Variants in FAM135A observed in about 807,000 individuals in gnomAD.
The protein encoded by FAM135A is family with sequence similarity 135 member A.
In FAM135A, 79 loss-of-function variants were observed where a neutral mutation model predicts 146.8. The ratio of observed to expected loss-of-function variants is 0.54; its 90% CI spans 0.45 to 0.65. The LOEUF (loss-of-function observed/expected upper bound fraction) is 0.65. Among genes scored for constraint, FAM135A ranks in the 30% least tolerant of loss-of-function variants. The pLI, the probability that FAM135A is intolerant of heterozygous loss-of-function variation, is 0.00. For missense variants in FAM135A, 1,623 were observed against 1,758.2 expected (o/e 0.92, Z 1.38); for synonymous variants, 562 against 603.6 (o/e 0.93, Z 1.01).
At chr6:70,427,301 G>GT (rs1378621265) in intron 3 of FAM135A, among the ~76,000 whole-genome samples, 6 of 152,234 alleles carry the variant, frequency 3.9e-5, no homozygotes, top group African/African-American at 1.4e-4. Context: ...GGAGGCTGAG[G>GT]TGAGCAGATC....
chr6:70,558,197 T>G (rs1227030087), intron 21 of FAM135A, among the ~76,000 whole-genome samples: 1 of 152,146 alleles, frequency 6.6e-6, no homozygotes, highest in Non-Finnish European at 1.5e-5. Context: ...AGTAAAAAGT[T>G]TTTTGATGAG....
intron 12 of FAM135A, chr6:70,503,241 CAT>C (rs1221339603): frequency 1.3e-5 from 2 of 153,554 alleles, no homozygotes; most frequent in Non-Finnish European, 2.9e-5. Context: ...ACACATTACA[CAT>C]ATATGTTTAC....
chr6:70,486,261 C>T (rs1178289580), intron 10 of FAM135A: 1 of 1,607,438 alleles, frequency 6.2e-7, no homozygotes, highest in East Asian at 2.2e-5. Context: ...TTACAAATAG[C>T]TTAAGTAAAT....
intron 2 of FAM135A, among the ~76,000 whole-genome samples, chr6:70,425,089 T>C (rs1299848669): frequency 6.7e-6 from 1 of 148,572 alleles, no homozygotes; most frequent in East Asian, 1.9e-4. Flanking sequence ...ATATATTCTA[T>C]ATATCTAATA....
rs1287274046 is a variant in FAM135A at position 70,525,371 on chromosome 6, G to A, written c.2287G>A (p.Ala763Thr). 1 of 1,613,680 alleles carries A rather than the reference G, an allele frequency of 6.2e-7. No homozygotes were observed. Among genetic ancestry groups the A allele is most frequent in the South Asian group, 1.1e-5 (1 of 91,052 alleles). ...IKLPDISATYASSRFSDSGVE... is the reference protein window; with the variant it reads ...IKLPDISATYTSSRFSDSGVE... ...GTTACCAGATATTAGTGCCACATAT[G>A]CCTCATCTAGATTTTCAGATTCAGG... The change falls in exon 15 of 22, where the codon GCC (alanine) becomes ACC (threonine). Residue 763 changes from alanine (A) to threonine (T), a missense_variant. Ala to Thr is a moderately conservative substitution (Grantham distance 58). This residue lies in a region of FAM135A where 1,061 missense variants were observed against 1,113.8 expected (regional missense o/e 0.95). Coordinates refer to ENST00000418814, the MANE Select transcript of FAM135A (RefSeq NM_001162529.3).
rs372682156 is a variant in FAM135A, at chr6:70,420,477, G to T, written c.-134+5101G>T. Among the ~76,000 whole-genome samples, 6 of 152,276 alleles carry T rather than the reference G, an allele frequency of 3.9e-5. No homozygotes were observed. The East Asian group carries it at 7.7e-4, about 20-fold the overall frequency. On this transcript the variant is annotated intron_variant, in intron 2 of 21. Coordinates refer to ENST00000418814, the MANE Select transcript of FAM135A (RefSeq NM_001162529.3). ...CACATTTTTCCAGATATCCATGCCT[G>T]GACTCTCCTTTGTGGATATTGGATG...
intron 4 of FAM135A, among the ~76,000 whole-genome samples, chr6:70,440,942 A>G (rs959790079): frequency 6.6e-6 from 1 of 152,218 alleles, no homozygotes; most frequent in Admixed American, 6.5e-5. Context: ...TCTGACATAT[A>G]GTTTACACAG....
intron 8 of FAM135A, among the ~76,000 whole-genome samples, chr6:70,480,169 A>G (rs1403325639): frequency 2.0e-5 from 3 of 152,162 alleles, no homozygotes; most frequent in Admixed American, 1.3e-4. Context: ...TTCTTCCTCT[A>G]TGGAATATAA....
chr6:70,534,454 G>T lies in FAM135A; in HGVS notation c.3965+600G>T, dbSNP rs140021288. On this transcript the variant is annotated intron_variant, in intron 18 of 21. Coordinates refer to ENST00000418814, the MANE Select transcript of FAM135A (RefSeq NM_001162529.3). ...CCCACCTCAGCCCCCCAAGTAGCTGGGATTACAGGCATGCACCACCATGTC... is the reference window on the plus strand; with the variant it reads ...CCCACCTCAGCCCCCCAAGTAGCTGTGATTACAGGCATGCACCACCATGTC... Among the ~76,000 whole-genome samples the T allele has an allele frequency of 1.1e-3, 167 of 151,234 alleles. 1 individual carries two copies. The East Asian group carries it at 0.023, about 21-fold the overall frequency.
At chr6:70,545,216 C>T (rs933807221) in intron 20 of FAM135A, among the ~76,000 whole-genome samples, 1 of 152,016 alleles carries the variant, frequency 6.6e-6, no homozygotes, top group South Asian at 2.1e-4. Context: ...ATTTGAATGA[C>T]TTAAAATTGT....
Position 70,456,152 on chromosome 6 carries a change from A to G in FAM135A, c.157+3581A>G, listed in dbSNP as rs1778326937. 3.9e-5 allele frequency among the ~76,000 whole-genome samples: 6 copies of G among 152,212 alleles called. No individual in the cohort carries two copies. The South Asian group carries it at 8.3e-4, about 21-fold the overall frequency. On this transcript the variant is annotated intron_variant, in intron 5 of 21. Transcript: ENST00000418814. ...TCTTAACCACTAAAGTTGTCCTTGT[A>G]TAATTCTCAGCAAATGATTGATTCA...
Position 70,454,754 on chromosome 6 carries a change from T to G in FAM135A, c.157+2183T>G, listed in dbSNP as rs1333727908. Among the ~76,000 whole-genome samples, 3 of 152,148 alleles carry G rather than the reference T, an allele frequency of 2.0e-5. No individual in the cohort carries two copies. In the East Asian group the frequency reaches 5.8e-4, roughly 29 times the overall value. On this transcript the variant is annotated intron_variant, in intron 5 of 21. Coordinates refer to ENST00000418814, the MANE Select transcript of FAM135A (RefSeq NM_001162529.3). ...GTTACTTCTGAGGCCTCTGTTCTGT[T>G]CCATTGGTCTATCTCTCTCTTTTGG... is the stretch of plus-strand genomic sequence containing the variant.
At chr6:70,492,530 A>G (rs1786237811) in intron 11 of FAM135A, among the ~76,000 whole-genome samples, 1 of 151,890 alleles carries the variant, frequency 6.6e-6, no homozygotes, top group African/African-American at 2.4e-5. Flanking sequence ...GTAACAAAAT[A>G]TACTATAAAT....
chr6:70,436,877 T>TG (rs1773288953), intron 4 of FAM135A, among the ~76,000 whole-genome samples: 1 of 151,910 alleles, frequency 6.6e-6, no homozygotes, highest in South Asian at 2.1e-4. Context: ...AAATTAACTG[T>TG]GGGAAAAAAA....
At chr6:70,496,816 A>G (rs2128234280) in intron 11 of FAM135A, among the ~76,000 whole-genome samples, 1 of 150,092 alleles carries the variant, frequency 6.7e-6, no homozygotes, top group African/African-American at 2.5e-5. Flanking sequence ...AGATGGTTGT[A>G]GATGTGTGGT....
intron 12 of FAM135A, among the ~76,000 whole-genome samples, chr6:70,522,105 CAG>C (rs1793726618): frequency 6.6e-6 from 1 of 152,068 alleles, no homozygotes; most frequent in Admixed American, 6.6e-5. Context: ...TTAGTAGAGA[CAG>C]GGTTTCACCA....
chr6:70,546,051 G>T (rs9446263), intron 20 of FAM135A, among the ~76,000 whole-genome samples: 3,836 of 149,734 alleles, frequency 0.026, 163 homozygotes, highest in African/African-American at 0.089. Flanking sequence ...GGGTTTTGGG[G>T]TTTTTTTTTC....
chr6:70,499,374 T>C (rs1032835838), intron 11 of FAM135A, among the ~76,000 whole-genome samples: 1 of 152,238 alleles, frequency 6.6e-6, no homozygotes, highest in African/African-American at 2.4e-5. Context: ...CCTATATGTG[T>C]CTTTGCACAT....
At chr6:70,447,123 A>G (rs1562436216) in intron 4 of FAM135A, among the ~76,000 whole-genome samples, 2 of 152,184 alleles carry the variant, frequency 1.3e-5, no homozygotes, top group Non-Finnish European at 2.9e-5. Flanking sequence ...CTGTAGAGAA[A>G]CGATTGAAAT....
Sources: allele counts gnomAD v4.1 joint callset (sites outside exome capture counted in the v4.1 genomes callset), GRCh38; gene constraint gnomAD v4.1.1; regional missense constraint gnomAD v4.1.1; transcripts MANE v1.5; gene names NCBI Gene and HGNC (gene_info 2026-07-23, HGNC 2026-07-21).